NOTCH2NLB: variants seen among roughly 807,000 people sequenced by gnomAD.
The protein encoded by NOTCH2NLB is notch 2 N-terminal like B.
A neutral mutation model predicts 14.8 loss-of-function variants in NOTCH2NLB; 1 was observed. That is an observed-to-expected ratio of 0.07 (90% CI 0.02 to 0.32). The LOEUF is 0.32. NOTCH2NLB is among the 10% of genes least tolerant of loss of function. NOTCH2NLB has a pLI of 1.00. For missense variants in NOTCH2NLB, 11 were observed against 155.0 expected, an observed-to-expected ratio of 0.07 and a Z score of 4.93; for synonymous variants, 6 against 57.5, an observed-to-expected ratio of 0.10 and a Z score of 4.05.
In NOTCH2NLB at chr1:148,637,839, C is replaced by T. The variant is rs1420407512; in HGVS notation, c.77+2177G>A. On this transcript the variant is annotated intron_variant, in intron 2 of 4. Coordinates refer to ENST00000593495, the Ensembl canonical transcript of NOTCH2NLB. ...CTCCCACTTATGAGTGAGAACATGC[C>T]GTGTTTGGTTTTCTGTTCCTGTGTT... Among the ~76,000 whole-genome samples, 888 of 146,424 alleles carry T rather than the reference C, an allele frequency of 6.1e-3. 71 individuals carry two copies. Among genetic ancestry groups the T allele is most frequent in the African/African-American group, 0.022 (834 of 38,558 alleles).
chr1:148,638,527 T>C (rs1202093622), intron 2 of NOTCH2NLB, among the ~76,000 whole-genome samples: 1 of 149,096 alleles, frequency 6.7e-6, no homozygotes, highest in Non-Finnish European at 1.5e-5. Context: ...TCTCCAGTTG[T>C]ATCTCCATTC....
At chr1:148,651,162 A>AAAT (rs1553341433) in intron 1 of NOTCH2NLB, among the ~76,000 whole-genome samples, 125 of 45,990 alleles carry the variant, frequency 2.7e-3, no homozygotes, top group Non-Finnish European at 3.8e-3. Context: ...AAAAAAAAAA[A>AAAT]ATATATATAT....
intron 1 of NOTCH2NLB, among the ~76,000 whole-genome samples, chr1:148,673,679 T>C (rs1428307591): frequency 1.3e-5 from 2 of 151,104 alleles, no homozygotes; most frequent in East Asian, 2.0e-4. Flanking sequence ...TTACTAACCT[T>C]ATACCATAGC....
intron 1 of NOTCH2NLB, among the ~76,000 whole-genome samples, chr1:148,670,391 C>A (rs1343612016): frequency 6.9e-6 from 1 of 145,516 alleles, no homozygotes; most frequent in African/African-American, 2.5e-5. Flanking sequence ...CATTCAATAT[C>A]ACTGTAATGA....
intron 1 of NOTCH2NLB, among the ~76,000 whole-genome samples, chr1:148,661,364 G>A (rs1221301237): frequency 2.0e-4 from 30 of 149,326 alleles, no homozygotes; most frequent in African/African-American, 3.2e-4. Context: ...ACACACACAC[G>A]CACACACACA....
At chr1:148,649,713 C>T (rs1436613845) in intron 1 of NOTCH2NLB, among the ~76,000 whole-genome samples, 1,271 of 145,666 alleles carry the variant, frequency 8.7e-3, no homozygotes, top group Non-Finnish European at 0.014. Flanking sequence ...AGGGTTTCAC[C>T]GTGTTAGCCA....
At chr1:148,622,830 T>A (rs1663917008) in intron 2 of NOTCH2NLB, among the ~76,000 whole-genome samples, 1 of 85,810 alleles carries the variant, frequency 1.2e-5, no homozygotes, top group Non-Finnish European at 1.9e-5. Context: ...TGTAGCACGT[T>A]TTTTGAACCC....
the NOTCH2NLB span, among the ~76,000 whole-genome samples, chr1:148,701,350 TG>T: frequency 7.4e-6 from 1 of 135,574 alleles, no homozygotes; most frequent in Non-Finnish European, 1.6e-5. Flanking sequence ...TCCGATTCAC[TG>T]GCTCAACGCT....
At chr1:148,637,517 A>G (rs1488770781) in intron 2 of NOTCH2NLB, among the ~76,000 whole-genome samples, 3,325 of 146,504 alleles carry the variant, frequency 0.023, 323 homozygotes, top group African/African-American at 0.082. Context: ...ATCTTCAAAT[A>G]GAACCAATTT....
chr1:148,637,654 C>T lies in NOTCH2NLB; in HGVS notation c.77+2362G>A, dbSNP rs1345961666. Among the ~76,000 whole-genome samples, 9 of 145,010 alleles carry T rather than the reference C, an allele frequency of 6.2e-5. No individual in the cohort carries two copies. The East Asian group carries it at 1.8e-3, about 29-fold the overall frequency. ...GTTTGTTTCATAGGTATACATGTGC[C>T]ATGGTGGTTTGCTGCACCTATCAAC... is the stretch of plus-strand genomic sequence containing the variant. On this transcript the variant is annotated intron_variant, in intron 2 of 4. Transcript: ENST00000593495.
At position 148,679,656 on chromosome 1, in the gene NOTCH2NLB, A is replaced by G; in HGVS notation, c.-192T>C. Reference sequence around the variant, plus strand: ...CTTCAAAGGCTCAGGCCCTGGCGCTACGCTCCGAAGCCCAGGCGCAAATGC... The same window carrying G: ...CTTCAAAGGCTCAGGCCCTGGCGCTGCGCTCCGAAGCCCAGGCGCAAATGC... On this transcript the variant is annotated 5_prime_UTR_variant, in exon 1 of 5. Coordinates refer to ENST00000593495, the Ensembl canonical transcript of NOTCH2NLB. 3.9e-6 allele frequency: 4 copies of G among 1,028,790 alleles called. 1 individual carries two copies. The highest frequency in any genetic ancestry group is 4.9e-6 in the Non-Finnish European group (4 of 815,958). The allele number at this position is 1,028,790 out of a possible 1,614,324, so 63.7% of individuals were successfully genotyped here. A position where few individuals can be genotyped will look rare whatever the true frequency, so the allele number is the denominator to read the frequency against.
At chr1:148,712,397 G>T in the NOTCH2NLB span, among the ~76,000 whole-genome samples, 3 of 150,970 alleles carry the variant, frequency 2.0e-5, no homozygotes, top group East Asian at 5.9e-4. Flanking sequence ...GAGTTGGAAG[G>T]CCAAGAGGAA....
At chr1:148,649,254 A>C in intron 1 of NOTCH2NLB, among the ~76,000 whole-genome samples, 1 of 12,356 alleles carries the variant, frequency 8.1e-5, no homozygotes, top group East Asian at 1.7e-3. Flanking sequence ...CAAAAGGTTC[A>C]GGATCTCAGT....
At chr1:148,609,080 G>A (rs1378029050) in intron 3 of NOTCH2NLB, among the ~76,000 whole-genome samples, 1 of 133,656 alleles carries the variant, frequency 7.5e-6, no homozygotes, top group Non-Finnish European at 1.6e-5. Context: ...ACAGAGATAA[G>A]AACTCCTTGA....
intron 2 of NOTCH2NLB, among the ~76,000 whole-genome samples, chr1:148,634,210 T>C (rs1664171456): frequency 1.4e-5 from 2 of 141,698 alleles, no homozygotes; most frequent in East Asian, 2.0e-4. Flanking sequence ...TATGGAAAAC[T>C]GGCCAAGCTT....
At chr1:148,649,651 T>C (rs1170342806) in intron 1 of NOTCH2NLB, among the ~76,000 whole-genome samples, 4 of 151,722 alleles carry the variant, frequency 2.6e-5, no homozygotes, top group African/African-American at 9.7e-5. Context: ...GCTGGGACTA[T>C]AGGTGCCCGC....
intron 1 of NOTCH2NLB, among the ~76,000 whole-genome samples, chr1:148,661,317 C>T (rs1463886651): frequency 6.7e-6 from 1 of 149,812 alleles, no homozygotes; most frequent in Non-Finnish European, 1.5e-5. Flanking sequence ...TTTGAAAAAA[C>T]AATTCCAAGG....
In NOTCH2NLB at chr1:148,679,658, G is replaced by A. The variant is rs1361022878; in HGVS notation, c.-194C>T. On this transcript the variant is annotated 5_prime_UTR_variant, in exon 1 of 5. Transcript: ENST00000593495. ...TCAAAGGCTCAGGCCCTGGCGCTAC[G>A]CTCCGAAGCCCAGGCGCAAATGCCT... 1.5e-5 allele frequency: 15 copies of A among 1,029,876 alleles called. 3 individuals are homozygous for A. The African/African-American group carries it at 2.4e-4, about 16-fold the overall frequency. 63.8% of individuals were successfully genotyped at this position (1,029,876 alleles called of 1,614,324 possible). A position where few individuals can be genotyped will look rare whatever the true frequency, so the allele number is the denominator to read the frequency against.
chr1:148,651,162 AATAT>A (rs1218372509), intron 1 of NOTCH2NLB, among the ~76,000 whole-genome samples: 6,271 of 45,484 alleles, frequency 0.14, 111 homozygotes, highest in Middle Eastern at 0.19. Flanking sequence ...AAAAAAAAAA[AATAT>A]ATATATATAT....
Sources: gnomAD v4.1 joint callset for allele counts (sites outside exome capture counted in the v4.1 genomes callset) on GRCh38, gnomAD v4.1.1 for gene constraint, MANE v1.5 for transcripts, NCBI Gene and HGNC (gene_info 2026-07-23, HGNC 2026-07-21) for gene names.